ZEB1: variants seen among roughly 807,000 people sequenced by gnomAD.
The protein encoded by ZEB1 is zinc finger E-box-binding homeobox 1.
ZEB1 carries 21 observed loss-of-function variants against 84.9 expected under a neutral mutation model. The observed-to-expected ratio is 0.25, with a 90% CI of 0.18 to 0.36. The LOEUF (loss-of-function observed/expected upper bound fraction) is 0.36, where lower values mean the gene tolerates loss of function less well. Ranked by LOEUF, ZEB1 falls within the 10% of genes least tolerant of loss-of-function variation. The pLI is 1.00. For missense variants in ZEB1, 1,104 were observed against 1,330.2 expected (o/e 0.83, Z 2.65); for synonymous variants, 420 against 471.1 (o/e 0.89, Z 1.41).
rs1019107448 is a variant in ZEB1, at chr10:31,334,441, C to T, written c.58+15149C>T. Among the ~76,000 whole-genome samples the T allele has an allele frequency of 3.3e-5, 5 of 151,860 alleles. No individual in the cohort carries two copies. In the East Asian group the frequency reaches 5.8e-4, roughly 18 times the overall value. On this transcript the variant is annotated intron_variant, in intron 1 of 8. Coordinates refer to ENST00000424869, the MANE Select transcript of ZEB1 (RefSeq NM_001174096.2). ...AATGATAGCAGTAAATTATTGTACA[C>T]GACAACTTATGTATAGCTAAAATGG...
At chr10:31,319,551 G>T in intron 1 of ZEB1, 1 of 515,604 alleles carries the variant, frequency 1.9e-6, no homozygotes, top group Non-Finnish European at 3.4e-6. Context: ...CGCCGCCCCT[G>T]CCGCCTCCCT....
At chr10:31,469,771 A>G (rs577180640) in intron 2 of ZEB1, among the ~76,000 whole-genome samples, 37 of 152,292 alleles carry the variant, frequency 2.4e-4, no homozygotes, top group Non-Finnish European at 4.4e-4. Context: ...GGCACAGACA[A>G]ACAAAAAGAC....
chr10:31,337,321 A>G (rs534650192), intron 1 of ZEB1, among the ~76,000 whole-genome samples: 19 of 152,296 alleles, frequency 1.2e-4, no homozygotes. Flanking sequence ...GAATTTGGAC[A>G]CAGAGTAGAT....
chr10:31,360,868 T>C, intron 1 of ZEB1: 1 of 1,025,786 alleles, frequency 9.7e-7, no homozygotes, highest in Non-Finnish European at 1.5e-6. Context: ...AGTGCCACAG[T>C]AGTGGCGTTA....
intron 1 of ZEB1, among the ~76,000 whole-genome samples, chr10:31,445,870 A>C (rs1205356232): frequency 9.2e-5 from 11 of 119,162 alleles, no homozygotes; most frequent in African/African-American, 3.7e-4. Flanking sequence ...TATTGGTCTA[A>C]AATTCTCTTT....
chr10:31,367,953 C>CTA (rs753213339), intron 1 of ZEB1, among the ~76,000 whole-genome samples: 4,357 of 148,538 alleles, frequency 0.029, 148 homozygotes, highest in African/African-American at 0.084. Context: ...TTATTATATA[C>CTA]TATATATATA....
chr10:31,471,118 T>G (rs1318442316), intron 2 of ZEB1, among the ~76,000 whole-genome samples: 2 of 128,240 alleles, frequency 1.6e-5, no homozygotes, highest in East Asian at 4.3e-4. Context: ...CATGCCAAAA[T>G]GTAAAGACCA....
chr10:31,416,637 A>G (rs2055261986), intron 1 of ZEB1, among the ~76,000 whole-genome samples: 1 of 152,140 alleles, frequency 6.6e-6, no homozygotes, highest in African/African-American at 2.4e-5. Context: ...GACTAAAGAT[A>G]TCAAAGTGCT....
intron 1 of ZEB1, among the ~76,000 whole-genome samples, chr10:31,419,784 G>A (rs2055836931): frequency 6.6e-6 from 1 of 152,172 alleles, no homozygotes; most frequent in African/African-American, 2.4e-5. Context: ...TTCGAGAAGT[G>A]CTTAAGCTGT....
At chr10:31,506,285 G>A (rs1452268096) in intron 4 of ZEB1, among the ~76,000 whole-genome samples, 2 of 151,896 alleles carry the variant, frequency 1.3e-5, no homozygotes, top group Non-Finnish European at 2.9e-5. Context: ...ACATCCATTC[G>A]GTATAAAATG....
At position 31,461,153 on chromosome 10, in the gene ZEB1, G is replaced by A; in HGVS notation, c.175G>A (p.Asp59Asn). ...DAADCEGVPE[D>N]DLPTDQTVLP... The stretch of plus-strand genomic sequence containing the variant: ...AGCTGACTGTGAAGGTGTACCAGAG[G>A]ATGACCTGCCAACAGACCAGACAGT... The change falls in exon 2 of 9, where the codon GAT becomes AAT. Residue 59 changes from aspartate to asparagine, a missense_variant. Asp to Asn is a conservative substitution (Grantham distance 23). Coordinates refer to ENST00000424869, the MANE Select transcript of ZEB1 (RefSeq NM_001174096.2). 2 of 1,613,560 alleles carry A rather than the reference G, an allele frequency of 1.2e-6. No individual in the cohort carries two copies. Among genetic ancestry groups the A allele is most frequent in the Non-Finnish European group, 1.7e-6 (2 of 1,179,728 alleles).
chr10:31,478,148 A>G (rs1005731972), intron 2 of ZEB1, among the ~76,000 whole-genome samples: 5 of 152,040 alleles, frequency 3.3e-5, no homozygotes, highest in African/African-American at 1.2e-4. Context: ...CAATGAACCC[A>G]AATAACTCAG....
intron 1 of ZEB1, among the ~76,000 whole-genome samples, chr10:31,348,971 G>A (rs2040821801): frequency 6.6e-6 from 1 of 152,010 alleles, no homozygotes; most frequent in South Asian, 2.1e-4. Context: ...CAATTTTCAG[G>A]TGTACAGTAT....
intron 1 of ZEB1, among the ~76,000 whole-genome samples, chr10:31,332,272 T>C (rs1428673090): frequency 2.0e-5 from 3 of 152,240 alleles, no homozygotes; most frequent in Non-Finnish European, 4.4e-5. Context: ...CAAGTTTGGC[T>C]GTGCATTTCT....
intron 1 of ZEB1, among the ~76,000 whole-genome samples, chr10:31,416,449 T>G (rs2055228195): frequency 6.6e-6 from 1 of 152,150 alleles, no homozygotes; most frequent in African/African-American, 2.4e-5. Context: ...CACAATTACC[T>G]ACATAATGGT....
chr10:31,497,408 T>G (rs1047693372), intron 3 of ZEB1, among the ~76,000 whole-genome samples: 11 of 152,146 alleles, frequency 7.2e-5, no homozygotes, highest in Non-Finnish European at 1.5e-4. Context: ...GGTAACCTTC[T>G]CAAATTTGTG....
At chr10:31,498,350 A>G (rs1165886520) in intron 3 of ZEB1, among the ~76,000 whole-genome samples, 1 of 152,072 alleles carries the variant, frequency 6.6e-6, no homozygotes, top group Non-Finnish European at 1.5e-5. Flanking sequence ...TGTCTGCTCT[A>G]ATAGTAATAC....
At chr10:31,331,156 G>A (rs1473445208) in intron 1 of ZEB1, among the ~76,000 whole-genome samples, 4 of 132,350 alleles carry the variant, frequency 3.0e-5, no homozygotes, top group Non-Finnish European at 4.6e-5. Flanking sequence ...GTGGCATCTC[G>A]GTTCACTGCA....
chr10:31,363,802 C>T (rs751602355), intron 1 of ZEB1: 17 of 1,332,594 alleles, frequency 1.3e-5, no homozygotes, highest in Admixed American at 4.0e-5. Flanking sequence ...GCCCGTGTTC[C>T]GAGGGATAAG....
Sources: gnomAD v4.1 joint callset for allele counts (sites outside exome capture counted in the v4.1 genomes callset) on GRCh38, gnomAD v4.1.1 for gene constraint, MANE v1.5 for transcripts, NCBI Gene and HGNC (gene_info 2026-07-23, HGNC 2026-07-21) for gene names.